The following MARCHF1 variants were observed in gnomAD, a reference collection of about 807,000 sequenced individuals.
MARCHF1 encodes the protein E3 ubiquitin-protein ligase MARCHF1.
A neutral mutation model predicts 54.2 loss-of-function variants in MARCHF1; 40 were observed. The ratio of observed to expected loss-of-function variants is 0.74; its 90% confidence interval spans 0.57 to 0.96. The LOEUF (loss-of-function observed/expected upper bound fraction) is 0.96, where lower values mean the gene tolerates loss of function less well. Among genes scored for constraint, MARCHF1 ranks in the 40% least tolerant of loss-of-function variants. The pLI is 0.00. For synonymous variants in MARCHF1, 236 were observed against 236.3 expected (o/e 1.00, Z 0.01); for missense variants, 586 against 656.5 (o/e 0.89, Z 1.17).
intron 3 of MARCHF1, among the ~76,000 whole-genome samples, chr4:163,971,245 G>A: frequency 6.6e-6 from 1 of 152,182 alleles, no homozygotes; most frequent in East Asian, 1.9e-4. Context: ...GCAGGATGCT[G>A]CAGTATTATT....
Position 164,131,252 on chromosome 4 carries a change from A to AT in MARCHF1, c.-322-19591dup, listed in dbSNP as rs563741943. Among the ~76,000 whole-genome samples, 877 of 152,226 alleles carry AT rather than the reference A, an allele frequency of 5.8e-3. 11 individuals carry two copies. The highest frequency in any genetic ancestry group is 0.02 in the African/African-American group (847 of 41,544). Reference sequence around the variant, plus strand: ...GAATGCCACTGGGGGTTGCCATGGGATACAGTTTCATAAAAGCATTTGCAG... The same window carrying AT: ...GAATGCCACTGGGGGTTGCCATGGGATTACAGTTTCATAAAAGCATTTGCAG... On this transcript the variant is annotated intron_variant, in intron 1 of 9. Transcript: ENST00000514618.
chr4:163,565,595 C>G (rs1303013527), intron 8 of MARCHF1, among the ~76,000 whole-genome samples: 1 of 152,064 alleles, frequency 6.6e-6, no homozygotes, highest in Non-Finnish European at 1.5e-5. Context: ...TATCATGAAC[C>G]TTGTTAGAAA....
intron 7 of MARCHF1, among the ~76,000 whole-genome samples, chr4:163,591,299 T>A (rs2110847647): frequency 6.6e-6 from 1 of 152,170 alleles, no homozygotes; most frequent in Non-Finnish European, 1.5e-5. Flanking sequence ...CCTCTTTTAA[T>A]AATGCCTCAT....
intron 1 of MARCHF1, among the ~76,000 whole-genome samples, chr4:164,152,475 C>T (rs1729967460): frequency 6.6e-6 from 1 of 152,068 alleles, no homozygotes; most frequent in African/African-American, 2.4e-5. Flanking sequence ...TTGTGACATA[C>T]TTTTCAATCT....
At chr4:164,085,620 C>A (rs1835509) in intron 2 of MARCHF1, among the ~76,000 whole-genome samples, 7,885 of 151,814 alleles carry the variant, frequency 0.052, 693 homozygotes, top group African/African-American at 0.18. Context: ...GACATTAAGG[C>A]ACAGACTGGA....
intron 4 of MARCHF1, among the ~76,000 whole-genome samples, chr4:163,785,194 C>T (rs954816780): frequency 1.6e-4 from 24 of 151,984 alleles, no homozygotes; most frequent in African/African-American, 4.1e-4. Flanking sequence ...TAGAACTTAA[C>T]GTGATTAAAA....
chr4:164,334,414 C>T (rs1729673241), intron 1 of MARCHF1, among the ~76,000 whole-genome samples: 1 of 152,062 alleles, frequency 6.6e-6, no homozygotes, highest in Admixed American at 6.5e-5. Context: ...TATACTAAAT[C>T]TAATCTTCCT....
At chr4:163,976,087 G>A (rs1228336302) in intron 3 of MARCHF1, among the ~76,000 whole-genome samples, 2 of 152,156 alleles carry the variant, frequency 1.3e-5, no homozygotes, top group Non-Finnish European at 2.9e-5. Context: ...GGAAATAAAA[G>A]TAGATCCTAG....
At chr4:164,324,548 C>T (rs1735223457) in intron 1 of MARCHF1, among the ~76,000 whole-genome samples, 1 of 151,324 alleles carries the variant, frequency 6.6e-6, no homozygotes, top group South Asian at 2.1e-4. Context: ...TCTCTATACT[C>T]AATGTAATAA....
intron 5 of MARCHF1, among the ~76,000 whole-genome samples, chr4:163,627,038 T>C (rs998372366): frequency 1.3e-5 from 2 of 152,224 alleles, no homozygotes; most frequent in Non-Finnish European, 2.9e-5. Flanking sequence ...TAAAGATAAA[T>C]TTTTAGAATG....
intron 2 of MARCHF1, among the ~76,000 whole-genome samples, chr4:164,045,797 A>G (rs1223848904): frequency 6.6e-6 from 1 of 151,878 alleles, no homozygotes; most frequent in Non-Finnish European, 1.5e-5. Flanking sequence ...AAGCATCTCA[A>G]GATACTTTTA....
chr4:163,693,893 GT>G (rs1248550268), intron 5 of MARCHF1, among the ~76,000 whole-genome samples: 1 of 152,086 alleles, frequency 6.6e-6, no homozygotes, highest in East Asian at 1.9e-4. Context: ...GCATATTTTC[GT>G]TTACCCACAC....
intron 8 of MARCHF1, among the ~76,000 whole-genome samples, chr4:163,574,418 G>A (rs1739964980): frequency 6.6e-6 from 1 of 151,628 alleles, no homozygotes; most frequent in Non-Finnish European, 1.5e-5. Context: ...GTATTGCCTA[G>A]GTTTTCTTCT....
At chr4:164,215,870 T>G (rs977154277) in intron 1 of MARCHF1, among the ~76,000 whole-genome samples, 1 of 152,178 alleles carries the variant, frequency 6.6e-6, no homozygotes, top group Non-Finnish European at 1.5e-5. Context: ...CAATTTTCCA[T>G]TAACCATGCT....
intron 4 of MARCHF1, among the ~76,000 whole-genome samples, chr4:163,768,847 G>A (rs1237825588): frequency 2.6e-5 from 4 of 152,182 alleles, no homozygotes; most frequent in Admixed American, 6.5e-5. Flanking sequence ...TTCAACATAG[G>A]GGGATAGGAT....
At chr4:164,247,396 G>T (rs950423832) in intron 1 of MARCHF1, among the ~76,000 whole-genome samples, 2 of 150,876 alleles carry the variant, frequency 1.3e-5, no homozygotes, top group Non-Finnish European at 2.9e-5. Context: ...TCATAGGTGG[G>T]AATTGAACAA....
intron 1 of MARCHF1, among the ~76,000 whole-genome samples, chr4:164,164,246 A>G (rs1358405120): frequency 2.0e-5 from 3 of 151,964 alleles, no homozygotes; most frequent in Admixed American, 2.0e-4. Flanking sequence ...AGGAGAAATC[A>G]ATGAAATAGA....
At chr4:163,823,670 C>T (rs1748762182) in intron 4 of MARCHF1, among the ~76,000 whole-genome samples, 1 of 151,756 alleles carries the variant, frequency 6.6e-6, no homozygotes. Context: ...TCCTGGTTCA[C>T]CCATTTTATC....
At chr4:164,142,544 AC>A (rs1453696044) in intron 1 of MARCHF1, among the ~76,000 whole-genome samples, 1 of 151,832 alleles carries the variant, frequency 6.6e-6, no homozygotes, top group Non-Finnish European at 1.5e-5. Flanking sequence ...ACTGGGAGGC[AC>A]CCCCCAGCAG....
Sources: allele counts gnomAD v4.1 joint callset (sites outside exome capture counted in the v4.1 genomes callset), GRCh38; gene constraint gnomAD v4.1.1; transcripts MANE v1.5; gene names NCBI Gene and HGNC (gene_info 2026-07-23, HGNC 2026-07-21).